HOMER1: variants seen among roughly 807,000 people sequenced by gnomAD.
HOMER1 encodes the protein homer protein homolog 1.
A neutral mutation model predicts 48.9 loss-of-function variants in HOMER1; 3 were observed. That is an observed-to-expected ratio of 0.06 (90% CI 0.03 to 0.16). The LOEUF is 0.16. Ranked by LOEUF, HOMER1 falls within the 10% of genes least tolerant of loss-of-function variation. The pLI is 1.00. For synonymous variants in HOMER1, 134 were observed against 146.4 expected (o/e 0.92, Z 0.61); for missense variants, 247 against 411.4 (o/e 0.60, Z 3.46).
intron 1 of HOMER1, among the ~76,000 whole-genome samples, chr5:79,474,062 C>CA (rs2112329934): frequency 6.6e-6 from 1 of 152,122 alleles, no homozygotes; most frequent in Admixed American, 6.5e-5. Flanking sequence ...GAGAGGCTCT[C>CA]AGTCTGTCTC....
chr5:79,485,803 G>A (rs555871545), intron 1 of HOMER1, among the ~76,000 whole-genome samples: 13 of 152,258 alleles, frequency 8.5e-5, no homozygotes, highest in African/African-American at 3.1e-4. Context: ...GCATGTGTAT[G>A]GCAAAGTACA....
chr5:79,463,549 C>T (rs763892632), intron 1 of HOMER1, among the ~76,000 whole-genome samples: 2 of 152,106 alleles, frequency 1.3e-5, no homozygotes, highest in South Asian at 2.1e-4. Flanking sequence ...TATGATAATA[C>T]GTTTGCTAAT....
chr5:79,414,645 CTGGGA>C (rs1410683298), intron 5 of HOMER1, among the ~76,000 whole-genome samples: 1 of 152,132 alleles, frequency 6.6e-6, no homozygotes, highest in Non-Finnish European at 1.5e-5. Context: ...TCTCAAAGTG[CTGGGA>C]TTACACACAT....
intron 4 of HOMER1, among the ~76,000 whole-genome samples, chr5:79,442,281 G>C (rs1212587399): frequency 6.6e-6 from 1 of 152,142 alleles, no homozygotes; most frequent in Non-Finnish European, 1.5e-5. Context: ...AAAGGCACCT[G>C]AGCACAGATG....
At chr5:79,435,892 C>A (rs916928168) in intron 5 of HOMER1, among the ~76,000 whole-genome samples, 1 of 130,662 alleles carries the variant, frequency 7.7e-6, no homozygotes, top group African/African-American at 2.9e-5. Context: ...TTTGGGAGGC[C>A]GAGGCGGGTG....
intron 1 of HOMER1, among the ~76,000 whole-genome samples, chr5:79,477,851 AT>A (rs11459299): frequency 1.6e-3 from 239 of 146,394 alleles, no homozygotes; most frequent in East Asian, 3.9e-3. Context: ...GCTTCACAAG[AT>A]TTTTTTTTTT....
intron 5 of HOMER1, among the ~76,000 whole-genome samples, chr5:79,410,307 C>A (rs1475673272): frequency 6.6e-6 from 1 of 151,762 alleles, no homozygotes; most frequent in Non-Finnish European, 1.5e-5. Context: ...GCCTGACCAA[C>A]ATGGAGAAAC....
chr5:79,511,230 G>A (rs1285479762), intron 1 of HOMER1, among the ~76,000 whole-genome samples: 2 of 152,050 alleles, frequency 1.3e-5, no homozygotes, highest in Non-Finnish European at 2.9e-5. Flanking sequence ...TATTTCTAAG[G>A]TTTTGAACAG....
chr5:79,499,781 T>C lies in HOMER1; in HGVS notation c.5+12989A>G, dbSNP rs374330958. 1.1e-4 allele frequency among the ~76,000 whole-genome samples: 17 copies of C among 152,368 alleles called. No individual in the cohort carries two copies. In the East Asian group the frequency reaches 1.7e-3, roughly 16 times the overall value. On this transcript the variant is annotated intron_variant, in intron 1 of 8. Transcript: ENST00000334082. ...TAACATTAACTAGTACATACTGTTCTACTGTAATAATTTGTAGCTAACTCC... is the reference window on the plus strand; with the variant it reads ...TAACATTAACTAGTACATACTGTTCCACTGTAATAATTTGTAGCTAACTCC...
chr5:79,384,818 A>G (rs898293824), intron 8 of HOMER1, among the ~76,000 whole-genome samples: 2 of 152,212 alleles, frequency 1.3e-5, no homozygotes, highest in Non-Finnish European at 2.9e-5. Flanking sequence ...TGGGATTTAT[A>G]CCAAGGAAAC....
chr5:79,427,240 T>C (rs528182643), intron 5 of HOMER1, among the ~76,000 whole-genome samples: 35 of 152,324 alleles, frequency 2.3e-4, no homozygotes, highest in South Asian at 1.4e-3. Context: ...AAGCTAAGTC[T>C]TTTTCTAGAG....
At position 79,395,779 on chromosome 5, in the gene HOMER1, G is replaced by A. The variant is rs78748945; in HGVS notation, c.876+1044C>T. 4.3e-3 allele frequency among the ~76,000 whole-genome samples: 658 copies of A among 152,300 alleles called. 7 individuals carry two copies. Among genetic ancestry groups the A allele is most frequent in the African/African-American group, 0.015 (619 of 41,560 alleles). On this transcript the variant is annotated intron_variant, in intron 8 of 8. Coordinates refer to ENST00000334082, the MANE Select transcript of HOMER1 (RefSeq NM_004272.5). ...CTCCATTTAAATATAGGTTGGACAA[G>A]TTAACCTCTCCAAGCTTCAGTTTCT...
chr5:79,425,366 G>A (rs1410497037), intron 5 of HOMER1, among the ~76,000 whole-genome samples: 1 of 149,242 alleles, frequency 6.7e-6, no homozygotes, highest in Non-Finnish European at 1.5e-5. Context: ...AAGGCAAAAT[G>A]TTCAAGCAGA....
chr5:79,421,249 G>C (rs1750088938), intron 5 of HOMER1, among the ~76,000 whole-genome samples: 1 of 152,158 alleles, frequency 6.6e-6, no homozygotes, highest in Admixed American at 6.5e-5. Context: ...AGTGCCCCCA[G>C]ATGCTGTAAG....
At chr5:79,417,913 T>C (rs1387687158) in intron 5 of HOMER1, among the ~76,000 whole-genome samples, 2 of 152,188 alleles carry the variant, frequency 1.3e-5, no homozygotes, top group South Asian at 2.1e-4. Context: ...AAAGCTAAAA[T>C]TGTGTGAAAA....
chr5:79,439,102 G>A lies in HOMER1; in HGVS notation c.435C>T (p.Ile145=), dbSNP rs1261221433. ...GTGTTCTTTCATCATCTGTCCCGTT[G>A]ATACTTTCCGGTGTTAAAGGAGACT... is the stretch of plus-strand genomic sequence containing the variant. ...DLQSPLTPES[I]NGTDDERTPD... is the part of the protein sequence containing the mutation. The change falls in exon 5 of 9, where the codon ATC becomes ATT. Residue 145 remains isoleucine, a synonymous_variant. Coordinates refer to ENST00000334082, the MANE Select transcript of HOMER1 (RefSeq NM_004272.5). 2 of 1,613,856 alleles carry A rather than the reference G, an allele frequency of 1.2e-6. No individual in the cohort carries two copies. Among genetic ancestry groups the A allele is most frequent in the East Asian group, 2.2e-5 (1 of 44,868 alleles).
chr5:79,502,210 G>A (rs1295933869), intron 1 of HOMER1, among the ~76,000 whole-genome samples: 1 of 151,942 alleles, frequency 6.6e-6, no homozygotes, highest in African/African-American at 2.4e-5. Flanking sequence ...AGTAGAGATG[G>A]AGTTTCACTA....
chr5:79,437,215 AT>A (rs1750607957), intron 5 of HOMER1, among the ~76,000 whole-genome samples: 1 of 152,208 alleles, frequency 6.6e-6, no homozygotes, highest in Admixed American at 6.5e-5. Context: ...TAAATACAGA[AT>A]TTATTTCTAA....
intron 1 of HOMER1, among the ~76,000 whole-genome samples, chr5:79,478,679 CA>C (rs1056825221): frequency 2.6e-5 from 4 of 152,034 alleles, no homozygotes; most frequent in African/African-American, 9.7e-5. Flanking sequence ...AGGCCAGGCG[CA>C]ATGGCTCATG....
Sources: gnomAD v4.1 joint callset for allele counts (sites outside exome capture counted in the v4.1 genomes callset) on GRCh38, gnomAD v4.1.1 for gene constraint, MANE v1.5 for transcripts, NCBI Gene and HGNC (gene_info 2026-07-23, HGNC 2026-07-21) for gene names.